FLNB: variants seen among roughly 807,000 people sequenced by gnomAD.
FLNB encodes filamin B.
In FLNB, 111 loss-of-function variants were observed where a neutral mutation model predicts 250.6. That is an observed-to-expected ratio of 0.44 (90% CI 0.38 to 0.52). The LOEUF (loss-of-function observed/expected upper bound fraction) is 0.52. FLNB is among the 20% of genes least tolerant of loss of function. The pLI is 0.00. For missense variants in FLNB, 2,869 were observed against 3,447.8 expected (o/e 0.83, Z 4.20); for synonymous variants, 1,302 against 1,372.1 (o/e 0.95, Z 1.13).
chr3:58,153,964 A>G (rs1447535506), intron 39 of FLNB, among the ~76,000 whole-genome samples: 1 of 152,230 alleles, frequency 6.6e-6, no homozygotes, highest in Non-Finnish European at 1.5e-5. Flanking sequence ...TGTGGAACAT[A>G]CTAGAAAGCT....
intron 8 of FLNB, among the ~76,000 whole-genome samples, chr3:58,100,373 A>AAT (rs1553696177): frequency 2.0e-4 from 21 of 104,344 alleles, no homozygotes; most frequent in Non-Finnish European, 2.9e-4. Flanking sequence ...GTAAAAAAAA[A>AAT]ATATATATAT....
At chr3:58,121,046 G>A (rs976972296) in intron 19 of FLNB, among the ~76,000 whole-genome samples, 195 bp from the exon 20 acceptor site, 9 of 152,186 alleles carry the variant, frequency 5.9e-5, no homozygotes, top group African/African-American at 1.2e-4. Context: ...TTATTGTGCC[G>A]ACACTTGTTG....
chr3:58,116,877 G>A (rs569141595), intron 18 of FLNB, among the ~76,000 whole-genome samples: 1 of 152,252 alleles, frequency 6.6e-6, no homozygotes, highest in Non-Finnish European at 1.5e-5. Flanking sequence ...ACTCCATGTA[G>A]TACTCTGGCA....
At chr3:58,024,460 G>A (rs956128110) in intron 1 of FLNB, among the ~76,000 whole-genome samples, 13 of 151,944 alleles carry the variant, frequency 8.6e-5, no homozygotes, top group Non-Finnish European at 1.2e-4. Flanking sequence ...CTCCTTTCCC[G>A]TCTTTCACAC....
intron 29 of FLNB, 27 bp downstream of exon 29, chr3:58,138,556 T>C: frequency 6.2e-7 from 1 of 1,613,910 alleles, no homozygotes; most frequent in Non-Finnish European, 8.5e-7. Flanking sequence ...CTCCCGAGCA[T>C]GCTGTTATTG....
intron 29 of FLNB, among the ~76,000 whole-genome samples, chr3:58,139,166 A>G (rs1486860565): frequency 1.3e-5 from 2 of 152,198 alleles, no homozygotes; most frequent in Non-Finnish European, 2.9e-5. Flanking sequence ...CTGTTTATTT[A>G]TTTTTATTAT....
chr3:58,048,775 C>T (rs1046953287), intron 1 of FLNB, among the ~76,000 whole-genome samples: 2 of 152,068 alleles, frequency 1.3e-5, no homozygotes, highest in Non-Finnish European at 2.9e-5. Flanking sequence ...GTTATAATAC[C>T]CTGCTGGTAA....
At chr3:58,081,863 A>G in intron 4 of FLNB, 87 bp downstream of exon 4, 2 of 1,432,730 alleles carry the variant, frequency 1.4e-6, no homozygotes, top group East Asian at 2.3e-5. Context: ...ATGTTCTTAG[A>G]ATCAAAAATA....
At position 58,134,246 on chromosome 3, in the gene FLNB, G is replaced by A. The variant is rs183014364; in HGVS notation, c.4515-370G>A. The stretch of plus-strand genomic sequence containing the variant: ...GCGAACCCTATTGTGAACTGCACAT[G>A]AGAAGGATCTAGATTGCACACTCCT... On this transcript the variant is annotated intron_variant, in intron 26 of 45. Coordinates refer to ENST00000295956, the MANE Select transcript of FLNB (RefSeq NM_001457.4). Among the ~76,000 whole-genome samples, 412 of 152,326 alleles carry A rather than the reference G, an allele frequency of 2.7e-3. 1 individual carries two copies. The highest frequency in any genetic ancestry group is 4.5e-3 in the Admixed American group (69 of 15,304).
At chr3:58,112,986 AC>A (rs796693542) in intron 18 of FLNB, among the ~76,000 whole-genome samples, 3 of 152,344 alleles carry the variant, frequency 2.0e-5, no homozygotes, top group African/African-American at 7.2e-5. Context: ...GCCTCTCTGT[AC>A]AAGTTAATGT....
At position 58,036,475 on chromosome 3, in the gene FLNB, CTG is replaced by C. The variant is rs1475876184; in HGVS notation, c.292+27621_292+27622del. Among the ~76,000 whole-genome samples, 9 of 151,964 alleles carry C rather than the reference CTG, an allele frequency of 5.9e-5. No individual in the cohort carries two copies. The East Asian group carries it at 1.5e-3, about 26-fold the overall frequency. On this transcript the variant is annotated intron_variant, in intron 1 of 45. Transcript: ENST00000295956. ...CGAAGTGACGTTTTCTTGCTGTCTT[CTG>C]TTCCTGGGTGGGATGGCAGAACTGG...
rs1480097477 is a variant in FLNB at position 58,103,969 on chromosome 3, G to A, written c.1494G>A (p.Glu498=). 6.2e-7 allele frequency: 1 copy of A among 1,614,020 alleles called. No homozygotes were observed. The highest frequency in any genetic ancestry group is 8.5e-7 in the Non-Finnish European group (1 of 1,180,016). The change falls in exon 10 of 46, where the codon GAG becomes GAA. Residue 498 remains glutamate, a synonymous_variant. Coordinates refer to ENST00000295956, the MANE Select transcript of FLNB (RefSeq NM_001457.4). ...GVTMKGPKGL[E]ELVKQKDFLD... ...CCTTCCTTCCCACAGAGGGTCTGGAGGAGCTGGTGAAGCAGAAAGACTTTC... is the reference window on the plus strand; with the variant it reads ...CCTTCCTTCCCACAGAGGGTCTGGAAGAGCTGGTGAAGCAGAAAGACTTTC...
intron 1 of FLNB, among the ~76,000 whole-genome samples, chr3:58,054,702 T>G (rs534777658): frequency 7.2e-4 from 110 of 152,080 alleles, no homozygotes; most frequent in African/African-American, 2.5e-3. Context: ...CAATGACCTG[T>G]GGGGATTATG....
At position 58,141,882 on chromosome 3, in the gene FLNB, G is replaced by T. The variant is rs138141099; in HGVS notation, c.5134G>T (p.Val1712Leu). The T allele has an allele frequency of 7.4e-6, 12 of 1,614,216 alleles. No individual in the cohort carries two copies. In the East Asian group the frequency reaches 2.5e-4, roughly 33 times the overall value. Residue 1712 changes from valine (V) to leucine (L), a missense_variant, in exon 30 of 46, where the codon GTG (valine) becomes TTG (leucine). Physicochemically the swap from Val to Leu is conservative, Grantham distance 32. Coordinates refer to ENST00000295956, the MANE Select transcript of FLNB (RefSeq NM_001457.4). ...VMATDGEVTA[V>L]EEAPVNACPP... ...GGCCACAGATGGGGAAGTCACAGCC[G>T]TGGAGGAGGCACCGGTAAATGCATG...
intron 18 of FLNB, among the ~76,000 whole-genome samples, chr3:58,117,533 G>A (rs2097280572): frequency 6.6e-6 from 1 of 152,144 alleles, no homozygotes; most frequent in Non-Finnish European, 1.5e-5. Flanking sequence ...AATTGTTAGG[G>A]GCTGTGGGGA....
rs982869152 is a variant in FLNB, at chr3:58,152,887, C to T, written c.6368-488C>T. 1.3e-5 allele frequency: 5 copies of T among 392,694 alleles called. No homozygotes were observed. The East Asian group carries it at 2.3e-4, about 18-fold the overall frequency. 24.3% of individuals were successfully genotyped at this position (392,694 alleles called of 1,614,324 possible). Reference sequence around the variant, plus strand: ...GCTCACGGAGAGTGATGTGGTCTTGCGTCCTAGCACTGGTGACCCGAGACA... The same window carrying T: ...GCTCACGGAGAGTGATGTGGTCTTGTGTCCTAGCACTGGTGACCCGAGACA... On this transcript the variant is annotated intron_variant, in intron 38 of 45. Transcript: ENST00000295956.
intron 1 of FLNB, among the ~76,000 whole-genome samples, chr3:58,015,756 C>T (rs1268805465): frequency 6.6e-6 from 1 of 152,068 alleles, no homozygotes; most frequent in Non-Finnish European, 1.5e-5. Context: ...TGTCTGTGCA[C>T]CGTGCTGTAA....
Position 58,106,712 on chromosome 3 carries a change from A to G in FLNB, c.1780A>G (p.Ile594Val). The change falls in exon 12 of 46, where the codon ATT becomes GTT. Residue 594 changes from isoleucine to valine, a missense_variant. By Grantham distance (29) the Ile-to-Val change is conservative. Coordinates refer to ENST00000295956, the MANE Select transcript of FLNB (RefSeq NM_001457.4). ...FAIEGPSQAKIEYNDQNDGSC... is the reference protein window; with the variant it reads ...FAIEGPSQAKVEYNDQNDGSC... Reference sequence around the variant, plus strand: ...CATTGAAGGCCCCTCTCAGGCAAAGATTGAGTACAACGACCAGAATGATGG... The same window carrying G: ...CATTGAAGGCCCCTCTCAGGCAAAGGTTGAGTACAACGACCAGAATGATGG... 1 of 1,614,208 alleles carries G rather than the reference A, an allele frequency of 6.2e-7. No homozygotes were observed. Among genetic ancestry groups the G allele is most frequent in the Non-Finnish European group, 8.5e-7 (1 of 1,180,032 alleles).
At chr3:58,025,291 G>A (rs1057415619) in intron 1 of FLNB, among the ~76,000 whole-genome samples, 9 of 151,132 alleles carry the variant, frequency 6.0e-5, no homozygotes, top group Non-Finnish European at 1.2e-4. Context: ...CACCACACCC[G>A]GCTAATTTTT....
Sources: allele counts gnomAD v4.1 joint callset (sites outside exome capture counted in the v4.1 genomes callset), GRCh38; gene constraint gnomAD v4.1.1; transcripts MANE v1.5; gene names NCBI Gene and HGNC (gene_info 2026-07-23, HGNC 2026-07-21).